CCSER1: variants seen among roughly 807,000 people sequenced by gnomAD.
CCSER1 encodes the protein coiled-coil serine rich protein 1, also known as serine-rich coiled-coil domain-containing protein 1.
Under a neutral mutation model 82.0 loss-of-function variants are expected in CCSER1, and 41 were observed. The observed-to-expected ratio is 0.50, with a 90% CI of 0.39 to 0.65. The LOEUF (loss-of-function observed/expected upper bound fraction) is 0.65. CCSER1 is among the 30% of genes least tolerant of loss of function. The pLI is 0.00. For synonymous variants in CCSER1, 414 were observed against 383.9 expected (o/e 1.08, Z -0.92); for missense variants, 1,119 against 1,064.2 (o/e 1.05, Z -0.72).
intron 10 of CCSER1, among the ~76,000 whole-genome samples, chr4:91,379,565 G>A (rs1351720699): frequency 6.6e-6 from 1 of 152,064 alleles, no homozygotes; most frequent in Non-Finnish European, 1.5e-5. Context: ...ACTCTCTGAT[G>A]GTAGTTTGTA....
chr4:90,518,706 G>T (rs952583968), intron 5 of CCSER1, among the ~76,000 whole-genome samples: 2 of 151,854 alleles, frequency 1.3e-5, no homozygotes, highest in African/African-American at 4.8e-5. Context: ...TTCAAAGTTG[G>T]TTACATTTCT....
chr4:91,232,155 G>C (rs2149117388), intron 10 of CCSER1, among the ~76,000 whole-genome samples: 1 of 151,774 alleles, frequency 6.6e-6, no homozygotes, highest in Admixed American at 6.6e-5. Flanking sequence ...TATACAGAGG[G>C]CAAGTAAATA....
intron 9 of CCSER1, among the ~76,000 whole-genome samples, chr4:91,074,795 C>A (rs115331746): frequency 2.6e-5 from 4 of 152,112 alleles, no homozygotes; most frequent in African/African-American, 7.2e-5. Context: ...TTACTTGAAG[C>A]CTTTTAAAAA....
intron 10 of CCSER1, among the ~76,000 whole-genome samples, chr4:91,318,603 G>A (rs1745984769): frequency 6.6e-6 from 1 of 151,974 alleles, no homozygotes; most frequent in African/African-American, 2.4e-5. Context: ...GGACTTATGT[G>A]AAAACTTCAA....
intron 8 of CCSER1, among the ~76,000 whole-genome samples, chr4:90,823,216 C>CACACACACATACAT (rs1468228838): frequency 4.7e-4 from 71 of 152,094 alleles, no homozygotes; most frequent in Non-Finnish European, 7.1e-4. Context: ...TTAAACTTCA[C>CACACACACATACAT]ACACACACAT....
At position 91,256,453 on chromosome 4, in the gene CCSER1, C is replaced by T. The variant is rs944523146; in HGVS notation, c.2217+170459C>T. On this transcript the variant is annotated intron_variant, in intron 10 of 10. Transcript: ENST00000509176. ...TGAAGCATGTGATCTCTGTGACCCA[C>T]ACCCTATTCATACACTCCCTCCCCT... 3.3e-5 allele frequency among the ~76,000 whole-genome samples: 5 copies of T among 152,170 alleles called. No individual in the cohort carries two copies. The East Asian group carries it at 5.8e-4, about 18-fold the overall frequency.
chr4:91,552,011 T>C (rs765276215), intron 10 of CCSER1, among the ~76,000 whole-genome samples: 21 of 151,788 alleles, frequency 1.4e-4, no homozygotes, highest in African/African-American at 1.9e-4. Flanking sequence ...AATTCTGATA[T>C]TGAAATCAAA....
At chr4:90,668,220 A>G (rs915178928) in intron 6 of CCSER1, among the ~76,000 whole-genome samples, 2 of 152,166 alleles carry the variant, frequency 1.3e-5, no homozygotes, top group Non-Finnish European at 2.9e-5. Context: ...TTTTCTAGGT[A>G]TAGTAGTCAC....
chr4:91,248,472 T>C (rs111952733), intron 10 of CCSER1, among the ~76,000 whole-genome samples: 19 of 152,332 alleles, frequency 1.2e-4, no homozygotes, highest in South Asian at 6.2e-4. Flanking sequence ...TTGGATAAGA[T>C]TGGCACTTCA....
intron 6 of CCSER1, among the ~76,000 whole-genome samples, chr4:90,632,142 T>C (rs2148936492): frequency 6.6e-6 from 1 of 152,250 alleles, no homozygotes; most frequent in East Asian, 1.9e-4. Flanking sequence ...ATTTTAAAGC[T>C]ACCTATAAAA....
intron 1 of CCSER1, among the ~76,000 whole-genome samples, chr4:90,293,403 C>T (rs897796639): frequency 1.3e-5 from 2 of 151,272 alleles, no homozygotes; most frequent in Admixed American, 6.6e-5. Context: ...TTATCAGATA[C>T]TAATTGTTTT....
At chr4:91,578,734 T>C (rs1337450214) in intron 10 of CCSER1, among the ~76,000 whole-genome samples, 1 of 152,010 alleles carries the variant, frequency 6.6e-6, no homozygotes, top group Non-Finnish European at 1.5e-5. Context: ...ATATTTTTTA[T>C]TTCTTCATAT....
intron 10 of CCSER1, among the ~76,000 whole-genome samples, chr4:91,264,107 A>G (rs1168427995): frequency 6.6e-6 from 1 of 150,642 alleles, no homozygotes; most frequent in Non-Finnish European, 1.5e-5. Context: ...CCAGGATGAA[A>G]CATTTATGAT....
intron 10 of CCSER1, among the ~76,000 whole-genome samples, chr4:91,379,301 G>C (rs1750684067): frequency 6.6e-6 from 1 of 152,218 alleles, no homozygotes; most frequent in East Asian, 1.9e-4. Context: ...TTTTTCTATT[G>C]ATTGGAATAG....
chr4:90,847,541 A>T (rs960188314), intron 8 of CCSER1, among the ~76,000 whole-genome samples: 5 of 152,138 alleles, frequency 3.3e-5, no homozygotes, highest in African/African-American at 1.2e-4. Context: ...TTTTACATTA[A>T]AATCTTTCTT....
intron 9 of CCSER1, among the ~76,000 whole-genome samples, chr4:90,935,564 C>T (rs1385011201): frequency 6.6e-6 from 1 of 152,148 alleles, no homozygotes; most frequent in Non-Finnish European, 1.5e-5. Context: ...GGTGTTAATA[C>T]TACAAGTCTG....
intron 10 of CCSER1, among the ~76,000 whole-genome samples, chr4:91,477,904 C>T (rs1757680854): frequency 6.6e-6 from 1 of 151,724 alleles, no homozygotes; most frequent in African/African-American, 2.4e-5. Context: ...TTCCTACTGT[C>T]ATTTTACAAA....
chr4:90,234,117 A>G (rs1228786027), intron 1 of CCSER1, among the ~76,000 whole-genome samples: 1 of 152,024 alleles, frequency 6.6e-6, no homozygotes, highest in African/African-American at 2.4e-5. Flanking sequence ...GTATTTCCAG[A>G]CCTCTTGTAT....
At chr4:91,185,002 G>A (rs1734390819) in intron 10 of CCSER1, among the ~76,000 whole-genome samples, 1 of 152,032 alleles carries the variant, frequency 6.6e-6, no homozygotes, top group African/African-American at 2.4e-5. Context: ...TATACTTCAG[G>A]GCCTTTACCA....
Sources: allele counts gnomAD v4.1 joint callset (sites outside exome capture counted in the v4.1 genomes callset), GRCh38; gene constraint gnomAD v4.1.1; transcripts MANE v1.5; gene names NCBI Gene and HGNC (gene_info 2026-07-23, HGNC 2026-07-21).